The following TMEM132D variants were observed in gnomAD, a reference collection of about 807,000 sequenced individuals.
TMEM132D encodes the protein mature OL transmembrane protein.
A neutral mutation model predicts 62.3 loss-of-function variants in TMEM132D; 21 were observed. The observed-to-expected ratio is 0.34, with a 90% CI of 0.24 to 0.49. The LOEUF (loss-of-function observed/expected upper bound fraction) is 0.49. TMEM132D is among the 20% of genes least tolerant of loss of function. The probability of loss-of-function intolerance (pLI) is 0.99; values close to 1 mark genes in which losing one functional copy is unlikely to be tolerated. For missense variants in TMEM132D, 1,346 were observed against 1,402.8 expected, an observed-to-expected ratio of 0.96 and a Z score of 0.65; for synonymous variants, 621 against 575.6, an observed-to-expected ratio of 1.08 and a Z score of -1.13.
At chr12:129,312,719 C>T (rs1882011370) in intron 4 of TMEM132D, among the ~76,000 whole-genome samples, 1 of 152,102 alleles carries the variant, frequency 6.6e-6, no homozygotes, top group South Asian at 2.1e-4. Flanking sequence ...TACAGGCGCC[C>T]GCCACTATGG....
At chr12:129,879,931 G>A (rs906914557) in intron 1 of TMEM132D, among the ~76,000 whole-genome samples, 7 of 152,048 alleles carry the variant, frequency 4.6e-5, no homozygotes, top group African/African-American at 1.7e-4. Context: ...GAGGGGAGAG[G>A]AAAACAGGAA....
At chr12:129,752,236 C>T (rs942980708) in intron 1 of TMEM132D, among the ~76,000 whole-genome samples, 2 of 151,924 alleles carry the variant, frequency 1.3e-5, no homozygotes, top group Non-Finnish European at 2.9e-5. Flanking sequence ...CACACACATG[C>T]GCACACACAC....
chr12:129,104,243 C>T (rs936110286), intron 5 of TMEM132D, among the ~76,000 whole-genome samples: 1 of 151,404 alleles, frequency 6.6e-6, no homozygotes, highest in Non-Finnish European at 1.5e-5. Flanking sequence ...CGCCGCATAT[C>T]TACAACTATC....
intron 4 of TMEM132D, among the ~76,000 whole-genome samples, chr12:129,237,400 G>C (rs566169091): frequency 5.3e-5 from 8 of 152,032 alleles, no homozygotes; most frequent in Admixed American, 3.3e-4. Flanking sequence ...TTCTTTCTGA[G>C]CTCTGCTTTA....
At position 129,276,521 on chromosome 12, in the gene TMEM132D, T is replaced by C. The variant is rs187294695; in HGVS notation, c.1299+61113A>G. On this transcript the variant is annotated intron_variant, in intron 4 of 8. Transcript: ENST00000422113. ...GTTTGTGCGGAATTATCCACTGACC[T>C]AAATCCTAGCAAGCTATCAAAGTCT... is the stretch of plus-strand genomic sequence containing the variant. Among the ~76,000 whole-genome samples, 461 of 152,286 alleles carry C rather than the reference T, an allele frequency of 3.0e-3. 2 individuals carry two copies. Among genetic ancestry groups the C allele is most frequent in the Middle Eastern group, 0.014 (4 of 294 alleles).
intron 6 of TMEM132D, among the ~76,000 whole-genome samples, chr12:129,083,103 A>AGACAGAATGGATAGCTAACATGAC (rs1237254897): frequency 6.6e-6 from 1 of 152,236 alleles, no homozygotes; most frequent in Non-Finnish European, 1.5e-5. Flanking sequence ...CCACTACGTT[A>AGACAGAATGGATAGCTAACATGAC]GACAGAATGG....
rs756284871 is a variant in TMEM132D at position 129,699,841 on chromosome 12, T to G, written c.937A>C (p.Arg313=). The change falls in exon 2 of 9, where the codon AGA becomes CGA. Residue 313 remains arginine (R), a synonymous_variant. Coordinates refer to ENST00000422113, the MANE Select transcript of TMEM132D (RefSeq NM_133448.3). The part of the protein sequence containing the change: ...DVLTFPVSIS[R]NSTEDRFTLR... Reference sequence around the variant, plus strand: ...GTGAAGCGATCTTCAGTGGAATTTCTGGAGATGGAAACAGGAAAAGTCAGC... The same window carrying G: ...GTGAAGCGATCTTCAGTGGAATTTCGGGAGATGGAAACAGGAAAAGTCAGC... 1 of 1,614,178 alleles carries G rather than the reference T, an allele frequency of 6.2e-7. No individual in the cohort carries two copies. The highest frequency in any genetic ancestry group is 8.5e-7 in the Non-Finnish European group (1 of 1,180,022).
At chr12:129,137,219 A>C (rs971621105) in intron 5 of TMEM132D, among the ~76,000 whole-genome samples, 16 of 151,878 alleles carry the variant, frequency 1.1e-4, no homozygotes, top group Admixed American at 9.9e-4. Context: ...CATCATCATC[A>C]TCACCATCAC....
At chr12:129,446,221 G>C (rs564246703) in intron 3 of TMEM132D, among the ~76,000 whole-genome samples, 1 of 152,276 alleles carries the variant, frequency 6.6e-6, no homozygotes, top group East Asian at 1.9e-4. Flanking sequence ...CCCATGGTAT[G>C]CTGAGTCCTT....
Position 129,499,250 on chromosome 12 carries a change from T to C in TMEM132D, c.1115+31809A>G, listed in dbSNP as rs1305453418. On this transcript the variant is annotated intron_variant, in intron 3 of 8. Coordinates refer to ENST00000422113, the MANE Select transcript of TMEM132D (RefSeq NM_133448.3). Reference sequence around the variant, plus strand: ...AACATAATAAAAGCAGATAGTAGCATGTTGAAGGTTCACGTGGTCTTTGCA... The same window carrying C: ...AACATAATAAAAGCAGATAGTAGCACGTTGAAGGTTCACGTGGTCTTTGCA... Among the ~76,000 whole-genome samples the C allele has an allele frequency of 4.6e-5, 7 of 152,156 alleles. No individual in the cohort carries two copies. The East Asian group carries it at 7.7e-4, about 17-fold the overall frequency.
At chr12:129,190,748 A>C (rs946626820) in intron 5 of TMEM132D, among the ~76,000 whole-genome samples, 2 of 152,182 alleles carry the variant, frequency 1.3e-5, no homozygotes, top group African/African-American at 4.8e-5. Flanking sequence ...TTTGTTTCTA[A>C]CCTACAGAAC....
Position 129,685,894 on chromosome 12 carries a change from G to A in TMEM132D, c.968+13916C>T, listed in dbSNP as rs116851688. ...TGTGGGAACTTCAAGATTAATTACC[G>A]CTTCATTGGATTTTGGACTTACATA... On this transcript the variant is annotated intron_variant, in intron 2 of 8. Transcript: ENST00000422113. Among the ~76,000 whole-genome samples the A allele has an allele frequency of 2.0e-4, 30 of 152,288 alleles. No homozygotes were observed. In the East Asian group the frequency reaches 3.1e-3, roughly 16 times the overall value.
Position 129,513,528 on chromosome 12 carries a change from G to A in TMEM132D, c.1115+17531C>T, listed in dbSNP as rs545751461. 4.1e-3 allele frequency among the ~76,000 whole-genome samples: 617 copies of A among 150,880 alleles called. 5 individuals carry two copies. Among genetic ancestry groups the A allele is most frequent in the Non-Finnish European group, 5.0e-3 (339 of 67,630 alleles). On this transcript the variant is annotated intron_variant, in intron 3 of 8. Transcript: ENST00000422113. ...GAGACAGAGTCTCACTCTGTCGCCCGGGCTGGAGTGCAGTGGCGCGATCTC... is the reference window on the plus strand; with the variant it reads ...GAGACAGAGTCTCACTCTGTCGCCCAGGCTGGAGTGCAGTGGCGCGATCTC...
intron 5 of TMEM132D, among the ~76,000 whole-genome samples, chr12:129,163,681 C>T (rs1160980347): frequency 6.6e-6 from 1 of 152,230 alleles, no homozygotes; most frequent in African/African-American, 2.4e-5. Flanking sequence ...CCGCTCCCTG[C>T]CCCTCCGGGC....
chr12:129,201,644 T>G (rs1223143045), intron 5 of TMEM132D, among the ~76,000 whole-genome samples: 1 of 152,214 alleles, frequency 6.6e-6, no homozygotes, highest in East Asian at 1.9e-4. Flanking sequence ...ACAAATACTC[T>G]TTTCTATTGG....
chr12:129,295,679 C>T (rs1881557390), intron 4 of TMEM132D, among the ~76,000 whole-genome samples: 1 of 152,018 alleles, frequency 6.6e-6, no homozygotes, highest in Admixed American at 6.5e-5. Context: ...CCACTGTATC[C>T]ACAAGGGATT....
intron 3 of TMEM132D, among the ~76,000 whole-genome samples, chr12:129,510,044 A>C (rs1395163770): frequency 6.6e-6 from 1 of 152,136 alleles, no homozygotes; most frequent in East Asian, 1.9e-4. Flanking sequence ...ATGAACCTCC[A>C]AACTATTCTG....
At chr12:129,706,888 A>G (rs769697735) in intron 1 of TMEM132D, among the ~76,000 whole-genome samples, 2 of 151,782 alleles carry the variant, frequency 1.3e-5, no homozygotes, top group Non-Finnish European at 2.9e-5. Context: ...TACTATATTT[A>G]CAAGCTGCTA....
chr12:129,443,077 C>G (rs1872987077), intron 3 of TMEM132D, among the ~76,000 whole-genome samples: 1 of 152,124 alleles, frequency 6.6e-6, no homozygotes, highest in Non-Finnish European at 1.5e-5. Flanking sequence ...CAGCCCACTC[C>G]AGAGCTCCCC....
Sources: gnomAD v4.1 joint callset for allele counts (sites outside exome capture counted in the v4.1 genomes callset) on GRCh38, gnomAD v4.1.1 for gene constraint, MANE v1.5 for transcripts, NCBI Gene and HGNC (gene_info 2026-07-23, HGNC 2026-07-21) for gene names.